The following CADPS2 variants were observed in gnomAD, a reference collection of about 807,000 sequenced individuals.
The protein encoded by CADPS2 is calcium dependent secretion activator 2, also known as calcium-dependent secretion activator 2.
In CADPS2, 93 loss-of-function variants were observed where a neutral mutation model predicts 172.5. That is an observed-to-expected ratio of 0.54 (90% CI 0.46 to 0.64). CADPS2 has a LOEUF of 0.64. CADPS2 is among the 30% of genes least tolerant of loss of function. CADPS2 has a pLI of 0.00. For synonymous variants in CADPS2, 546 were observed against 555.2 expected, an observed-to-expected ratio of 0.98 and a Z score of 0.23; for missense variants, 1,420 against 1,565.9, an observed-to-expected ratio of 0.91 and a Z score of 1.57.
rs183087363 is a variant in CADPS2 at position 122,408,999 on chromosome 7, C to T, written c.2590-1303G>A. Among the ~76,000 whole-genome samples, 279 of 152,256 alleles carry T rather than the reference C, an allele frequency of 1.8e-3. 2 individuals carry two copies. Among genetic ancestry groups the T allele is most frequent in the African/African-American group, 6.2e-3 (258 of 41,566 alleles). ...TTTGAGAGTTGGGGACATTTTAATG[C>T]CTGGCTCAATGCTGTGACCAATATA... On this transcript the variant is annotated intron_variant, in intron 19 of 29. Transcript: ENST00000449022.
intron 1 of CADPS2, among the ~76,000 whole-genome samples, chr7:122,884,557 C>T (rs1352513703): frequency 6.6e-6 from 1 of 151,980 alleles, no homozygotes; most frequent in Non-Finnish European, 1.5e-5. Flanking sequence ...GGTTAGGTTA[C>T]CTGAAGGATC....
At chr7:122,811,964 T>C (rs1008134625) in intron 1 of CADPS2, among the ~76,000 whole-genome samples, 5 of 152,130 alleles carry the variant, frequency 3.3e-5, no homozygotes, top group Non-Finnish European at 7.4e-5. Flanking sequence ...TATTTACTGT[T>C]CTCTTCCTCC....
intron 8 of CADPS2, among the ~76,000 whole-genome samples, chr7:122,540,907 T>C (rs1275353082): frequency 2.0e-5 from 3 of 152,150 alleles, no homozygotes; most frequent in Non-Finnish European, 4.4e-5. Flanking sequence ...ATAGCAATGA[T>C]TTTAATTAAG....
chr7:122,621,705 G>T lies in CADPS2; in HGVS notation c.880C>A (p.Pro294Thr). Residue 294 changes from proline (P) to threonine (T), a missense_variant, in exon 5 of 30, where the codon CCC becomes ACC. Transcript: ENST00000449022. ...ADKMAKERKF[P>T]KFIAKDMENM... ...TCCATATCTTTTGCTATAAATTTGGGGAATTTTCTTTCCTTGAAAATAATT... is the reference window on the plus strand; with the variant it reads ...TCCATATCTTTTGCTATAAATTTGGTGAATTTTCTTTCCTTGAAAATAATT... 1 of 1,570,336 alleles carries T rather than the reference G, an allele frequency of 6.4e-7. No homozygotes were observed. The highest frequency in any genetic ancestry group is 8.6e-7 in the Non-Finnish European group (1 of 1,158,272).
chr7:122,817,461 C>A (rs1464128554), intron 1 of CADPS2, among the ~76,000 whole-genome samples: 1 of 152,136 alleles, frequency 6.6e-6, no homozygotes, highest in Admixed American at 6.5e-5. Context: ...AAAGGCGACA[C>A]GTTTTATCCG....
At chr7:122,698,186 CCT>C (rs754818069) in intron 2 of CADPS2, 30 of 1,613,770 alleles carry the variant, frequency 1.9e-5, no homozygotes, top group Non-Finnish European at 2.4e-5. Context: ...TCTTCATCCC[CCT>C]CTTTTACTAC....
intron 1 of CADPS2, among the ~76,000 whole-genome samples, chr7:122,790,272 G>A (rs538023400): frequency 5.9e-5 from 9 of 151,448 alleles, no homozygotes; most frequent in African/African-American, 9.7e-5. Context: ...AGTGATGTGC[G>A]CTTGTATTCC....
At chr7:122,629,417 A>G (rs530264694) in intron 3 of CADPS2, 89 bp from the exon 4 acceptor site, 1 of 825,808 alleles carries the variant, frequency 1.2e-6, no homozygotes, top group Non-Finnish European at 1.8e-6. Flanking sequence ...AGACTAAGGC[A>G]AAGATTAAAT....
intron 8 of CADPS2, among the ~76,000 whole-genome samples, chr7:122,532,618 C>T (rs1009056916): frequency 3.0e-5 from 4 of 134,090 alleles, no homozygotes; most frequent in African/African-American, 1.1e-4. Flanking sequence ...TGTTCAAGTT[C>T]TCAGGTGATG....
chr7:122,404,004 T>TA (rs1390745992), intron 20 of CADPS2, among the ~76,000 whole-genome samples: 2 of 152,226 alleles, frequency 1.3e-5, no homozygotes, highest in African/African-American at 4.8e-5. Context: ...TTGTTTTTTT[T>TA]ATTATACTTA....
chr7:122,485,733 C>T (rs2057741917), intron 11 of CADPS2, among the ~76,000 whole-genome samples: 1 of 152,212 alleles, frequency 6.6e-6, no homozygotes, highest in Non-Finnish European at 1.5e-5. Context: ...ACAAAATAAT[C>T]TTCTATTGGA....
Position 122,321,620 on chromosome 7 carries a change from C to G in CADPS2, c.3718-1282G>C, listed in dbSNP as rs1418499292. Among the ~76,000 whole-genome samples, 10 of 152,302 alleles carry G rather than the reference C, an allele frequency of 6.6e-5. No homozygotes were observed. The East Asian group carries it at 1.9e-3, about 29-fold the overall frequency. ...TCTCCCACCTCAGCCTCCCGAGTAG[C>G]TGGGATTACAGGCACATGCCACCAT... On this transcript the variant is annotated intron_variant, in intron 29 of 29. Transcript: ENST00000449022.
chr7:122,666,839 G>A (rs1297531920), intron 2 of CADPS2, among the ~76,000 whole-genome samples: 2 of 152,094 alleles, frequency 1.3e-5, no homozygotes, highest in East Asian at 1.9e-4. Context: ...TCTGCAGTGT[G>A]GCACCCCACT....
At chr7:122,468,179 C>T (rs553374977) in intron 14 of CADPS2, among the ~76,000 whole-genome samples, 2 of 152,076 alleles carry the variant, frequency 1.3e-5, no homozygotes, top group Non-Finnish European at 2.9e-5. Flanking sequence ...AAAAGGAAAT[C>T]TTTTCTCCTT....
chr7:122,646,596 G>A (rs1228184474), intron 3 of CADPS2, among the ~76,000 whole-genome samples: 2 of 152,092 alleles, frequency 1.3e-5, no homozygotes, highest in Non-Finnish European at 2.9e-5. Flanking sequence ...TAGGAACAGC[G>A]AGTAATTCAC....
intron 24 of CADPS2, among the ~76,000 whole-genome samples, chr7:122,379,757 G>A (rs1016003742): frequency 3.9e-5 from 6 of 151,906 alleles, no homozygotes; most frequent in African/African-American, 1.4e-4. Context: ...TAATTAAGGT[G>A]GCCATGTATT....
intron 9 of CADPS2, among the ~76,000 whole-genome samples, chr7:122,494,203 G>A (rs768741183): frequency 6.6e-6 from 1 of 152,138 alleles, no homozygotes; most frequent in Non-Finnish European, 1.5e-5. Context: ...AGCTTCTGCA[G>A]GAGTTCCAGC....
chr7:122,677,437 T>C (rs760110893), intron 2 of CADPS2, among the ~76,000 whole-genome samples: 26 of 152,044 alleles, frequency 1.7e-4, no homozygotes, highest in Non-Finnish European at 3.1e-4. Flanking sequence ...GAATGGGAGG[T>C]GCCTGAGGAG....
At chr7:122,484,191 C>A (rs1342545565) in intron 11 of CADPS2, among the ~76,000 whole-genome samples, 1 of 152,026 alleles carries the variant, frequency 6.6e-6, no homozygotes, top group Non-Finnish European at 1.5e-5. Flanking sequence ...TAGAGAAATG[C>A]AAAGGACATA....
Sources: allele counts gnomAD v4.1 joint callset (sites outside exome capture counted in the v4.1 genomes callset), GRCh38; gene constraint gnomAD v4.1.1; transcripts MANE v1.5; gene names NCBI Gene and HGNC (gene_info 2026-07-23, HGNC 2026-07-21).